ZNF177: variants seen among roughly 807,000 people sequenced by gnomAD.
The protein encoded by ZNF177 is zinc finger protein 177.
In ZNF177, 17 loss-of-function variants were observed where a neutral mutation model predicts 19.4. The ratio of observed to expected loss-of-function variants is 0.87; its 90% CI spans 0.60 to 1.31. ZNF177 has a LOEUF of 1.31. Ranked by LOEUF, ZNF177 falls within the 40% of genes most tolerant of loss-of-function variation. The pLI is 0.00. For missense variants in ZNF177, 633 were observed against 561.8 expected (o/e 1.13, Z -1.28); for synonymous variants, 220 against 188.7 (o/e 1.17, Z -1.36).
At chr19:9,364,210 T>C (rs997645327) in intron 1 of ZNF177, among the ~76,000 whole-genome samples, 7 of 152,132 alleles carry the variant, frequency 4.6e-5, no homozygotes, top group African/African-American at 1.7e-4. Flanking sequence ...CCAGGTCAGA[T>C]TGATTTAGGT....
chr19:9,372,540 CTTTT>C (rs61321271), upstream of ZNF177, among the ~76,000 whole-genome samples: 1,025 of 84,520 alleles, frequency 0.012, 2 homozygotes, highest in African/African-American at 0.027. Flanking sequence ...CTTTCTTTTC[CTTTT>C]TTTTTTTTTT....
chr19:9,378,871 T>G, intron 2 of ZNF177, 91 bp from the exon 5 acceptor site: 1 of 1,454,630 alleles, frequency 6.9e-7, no homozygotes, highest in East Asian at 2.4e-5. Context: ...CTGAGTCTCC[T>G]CTCCAGTCCT....
At chr19:9,380,498 A>G (rs1297242122) in intron 5 of ZNF177, 170 bp from the exon 8 acceptor site, 2 of 1,352,054 alleles carry the variant, frequency 1.5e-6, no homozygotes, top group East Asian at 2.5e-5. Flanking sequence ...AGCTTATTCA[A>G]CTCGAAAAAG....
At chr19:9,371,080 TC>T (rs943036148) in intron 2 of ZNF177, among the ~76,000 whole-genome samples, 12 of 152,146 alleles carry the variant, frequency 7.9e-5, no homozygotes, top group African/African-American at 2.7e-4. Flanking sequence ...TGCTGGGTTT[TC>T]CCCCCAGATT....
At chr19:9,379,933 T>G (rs1461707852) in intron 4 of ZNF177, 124 bp from the exon 7 acceptor site, 2 of 1,178,932 alleles carry the variant, frequency 1.7e-6, no homozygotes, top group Non-Finnish European at 2.3e-6. Flanking sequence ...TGGTTGTGTC[T>G]TCTTTCTTAC....
chr19:9,378,707 G>A (rs2068146382), intron 2 of ZNF177: 2 of 571,722 alleles, frequency 3.5e-6, no homozygotes, highest in East Asian at 3.2e-5. Context: ...ACCTAACTGT[G>A]CAAAGATCAA....
In ZNF177 at chr19:9,381,519, T is replaced by G; in HGVS notation, c.1188T>G (p.Tyr396Ter). Reference sequence around the variant, plus strand: ...GCTCTCACACTGGAGAGAAGCCTTATGAGTGTAACCAGTGTGGAAAGTCCT... The same window carrying G: ...GCTCTCACACTGGAGAGAAGCCTTAGGAGTGTAACCAGTGTGGAAAGTCCT... The change falls in exon 6 of 6, where the codon TAT becomes TAG. Residue 396 changes from tyrosine to a stop codon, truncating the protein, a stop_gained. Coordinates refer to ENST00000589262, the Ensembl canonical transcript of ZNF177. LOFTEE classifies it low-confidence loss of function (END_TRUNC). 6.2e-7 allele frequency: 1 copy of G among 1,614,216 alleles called. No homozygotes were observed. Among genetic ancestry groups the G allele is most frequent in the East Asian group, 2.2e-5 (1 of 44,874 alleles).
chr19:9,376,644 A>G (rs2068113019), intron 1 of ZNF177, among the ~76,000 whole-genome samples: 1 of 152,180 alleles, frequency 6.6e-6, no homozygotes, highest in Admixed American at 6.5e-5. Context: ...AGCTGTTAAC[A>G]GCTTAGCTTT....
Position 9,379,622 on chromosome 19 carries a change from G to A in ZNF177, c.253+3G>A, listed in dbSNP as rs758045326. ...AATTTTACAAGGTGACTGTGCAGGT[G>A]AGCCTTGGGCAGAACAGGGTGCAGC... On this transcript the variant is annotated splice_donor_region_variant and intron_variant, in intron 4 of 5. Coordinates refer to ENST00000589262, the Ensembl canonical transcript of ZNF177. 1.2e-6 allele frequency: 2 copies of A among 1,613,294 alleles called. No individual in the cohort carries two copies. The highest frequency in any genetic ancestry group is 1.7e-6 in the Non-Finnish European group (2 of 1,179,706).
chr19:9,378,846 T>C, intron 2 of ZNF177, 116 bp from the exon 5 acceptor site: 4 of 1,417,492 alleles, frequency 2.8e-6, no homozygotes, highest in Non-Finnish European at 3.7e-6. Flanking sequence ...GATGCATGTC[T>C]GAGCTTCCAG....
At chr19:9,366,377 C>T (rs1224746986) in intron 2 of ZNF177, among the ~76,000 whole-genome samples, 3 of 152,124 alleles carry the variant, frequency 2.0e-5, no homozygotes, top group Admixed American at 6.5e-5. Flanking sequence ...CCACCTTAGC[C>T]TCCCGAGTAG....
exon 6 of ZNF177, chr19:9,381,656 A>T (rs2068204481): frequency 1.2e-6 from 2 of 1,614,182 alleles, no homozygotes. Context: ...CTGAGGGTAC[A>T]CGTGAGAACT....
upstream of ZNF177, among the ~76,000 whole-genome samples, chr19:9,372,648 G>A (rs950444124): frequency 7.0e-6 from 1 of 142,632 alleles, no homozygotes; most frequent in South Asian, 2.3e-4. Flanking sequence ...CCAGGTTCAA[G>A]CAATTCTCCT....
exon 6 of ZNF177, chr19:9,381,001 C>A: frequency 6.4e-7 from 1 of 1,572,850 alleles, no homozygotes; most frequent in Non-Finnish European, 8.6e-7. Context: ...AGTACGTGAG[C>A]AAATACCTAC....
intron 2 of ZNF177, among the ~76,000 whole-genome samples, chr19:9,370,613 G>A (rs1209969878): frequency 2.0e-5 from 3 of 151,898 alleles, no homozygotes; most frequent in African/African-American, 7.3e-5. Flanking sequence ...GTAGAGACAG[G>A]GTGCTGCTTT....
At chr19:9,381,555 C>T in exon 6 of ZNF177, 2 of 1,614,168 alleles carry the variant, frequency 1.2e-6, no homozygotes, top group Non-Finnish European at 1.7e-6. Flanking sequence ...TCAGCACAGG[C>T]TCTTACCTTA....
chr19:9,379,230 G>T, intron 3 of ZNF177, 142 bp downstream of exon 5: 1 of 1,347,616 alleles, frequency 7.4e-7, no homozygotes, highest in Non-Finnish European at 9.8e-7. Flanking sequence ...GGGCAGTCCA[G>T]TGGCTTCCCA....
At chr19:9,381,394 C>T (rs1382325299) in exon 6 of ZNF177, 51 of 1,613,840 alleles carry the variant, frequency 3.2e-5, no homozygotes, top group Non-Finnish European at 4.3e-5. Context: ...TCCTTCATCC[C>T]TTCAGAAACA....
chr19:9,379,264 C>T, intron 3 of ZNF177, 176 bp downstream of exon 5: 1 of 1,199,194 alleles, frequency 8.3e-7, no homozygotes, highest in African/African-American at 1.5e-5. Context: ...ATTTCATTTT[C>T]TCTATCACTA....
Sources: allele counts gnomAD v4.1 joint callset (sites outside exome capture counted in the v4.1 genomes callset), GRCh38; gene constraint gnomAD v4.1.1; transcripts MANE v1.5; gene names NCBI Gene and HGNC (gene_info 2026-07-23, HGNC 2026-07-21).